NUF2: variants seen among roughly 807,000 people sequenced by gnomAD.
NUF2 encodes the protein NUF2 component of NDC80 kinetochore complex.
A neutral mutation model predicts 61.8 loss-of-function variants in NUF2; 34 were observed. The ratio of observed to expected loss-of-function variants is 0.55; its 90% CI spans 0.42 to 0.73. The LOEUF is 0.73. NUF2 is among the 30% of genes least tolerant of loss of function. The pLI is 0.00. For synonymous variants in NUF2, 172 were observed against 181.6 expected (o/e 0.95, Z 0.42); for missense variants, 445 against 539.1 (o/e 0.83, Z 1.73).
At chr1:163,325,991 A>G (rs542502099) in intron 1 of NUF2, 41 bp from the exon 2 acceptor site, 1 of 1,514,644 alleles carries the variant, frequency 6.6e-7, no homozygotes, top group Non-Finnish European at 9.1e-7. Flanking sequence ...AATGAGAACT[A>G]CTGATCATGT....
intron 13 of NUF2, among the ~76,000 whole-genome samples, chr1:163,352,452 A>G (rs763372166): frequency 2.6e-5 from 4 of 152,188 alleles, no homozygotes; most frequent in Non-Finnish European, 4.4e-5. Flanking sequence ...CAGTTCATTC[A>G]TTCACCCAGT....
At chr1:163,327,249 G>T (rs1316144275) in intron 2 of NUF2, among the ~76,000 whole-genome samples, 2 of 151,754 alleles carry the variant, frequency 1.3e-5, no homozygotes, top group African/African-American at 2.4e-5. Flanking sequence ...ATTGGATTTG[G>T]GTATACTTGC....
rs765138895 is a variant in NUF2 at position 163,326,187 on chromosome 1, T to TA, written c.123+14dup. 2.7e-5 allele frequency: 44 copies of TA among 1,610,602 alleles called. No individual in the cohort carries two copies. The South Asian group carries it at 4.6e-4, about 17-fold the overall frequency. The stretch of plus-strand genomic sequence containing the variant: ...TCCAAATCCAAAGGTAAAAGGTGGT[T>TA]ACGTTTGCATGTGGATAATGGTATT... On this transcript the variant is annotated intron_variant, in intron 2 of 13. Transcript: ENST00000271452.
chr1:163,327,479 T>G lies in NUF2; in HGVS notation c.124-9T>G. 1.9e-6 allele frequency: 3 copies of G among 1,584,082 alleles called. No individual in the cohort carries two copies. The highest frequency in any genetic ancestry group is 2.6e-6 in the Non-Finnish European group (3 of 1,153,690). On this transcript the variant is annotated splice_polypyrimidine_tract_variant and intron_variant, in intron 2 of 13. Transcript: ENST00000271452. ...GCATCGGAGTATTCAAAGTTGTTTT[T>G]TGCTGTAGCCTGAAGTCTTGCACAT...
At chr1:163,324,903 T>TTCTTTCTTTC in intron 1 of NUF2, among the ~76,000 whole-genome samples, 1 of 119,704 alleles carries the variant, frequency 8.4e-6, no homozygotes, top group South Asian at 3.4e-4. Context: ...TTTCTTTCTT[T>TTCTTTCTTTC]TTTTTTTTTT....
In NUF2 at chr1:163,325,999, T is replaced by C. The variant is rs535811785; in HGVS notation, c.-20-33T>C. 2.0e-5 allele frequency: 31 copies of C among 1,548,490 alleles called. No homozygotes were observed. In the African/African-American group the frequency reaches 4.2e-4, roughly 21 times the overall value. On this transcript the variant is annotated intron_variant, in intron 1 of 13. Transcript: ENST00000271452. ...TCCAGATAATGAGAACTACTGATCA[T>C]GTGGTATTTCTCATTGTTTTTTCTT...
intron 3 of NUF2, 77 bp from the exon 4 acceptor site, chr1:163,328,151 T>C: frequency 4.5e-6 from 4 of 880,580 alleles, no homozygotes; most frequent in Non-Finnish European, 7.3e-6. Context: ...AGTTAATATA[T>C]TTTGATCTTG....
intron 13 of NUF2, among the ~76,000 whole-genome samples, chr1:163,353,766 G>A (rs1031045469): frequency 6.6e-6 from 1 of 152,118 alleles, no homozygotes; most frequent in African/African-American, 2.4e-5. Context: ...ATCTTGTGAG[G>A]GTTGGCTTAG....
At chr1:163,350,852 A>T (rs1020164623) in intron 13 of NUF2, among the ~76,000 whole-genome samples, 9 of 152,182 alleles carry the variant, frequency 5.9e-5, no homozygotes, top group Non-Finnish European at 1.2e-4. Flanking sequence ...TAGAGTTTTC[A>T]ATAGGTATGG....
At chr1:163,333,002 T>G (rs1194848653) in intron 5 of NUF2, among the ~76,000 whole-genome samples, 1 of 152,172 alleles carries the variant, frequency 6.6e-6, no homozygotes, top group East Asian at 1.9e-4. Flanking sequence ...ATAGCGTTGT[T>G]CAAGCCTACT....
intron 1 of NUF2, chr1:163,323,140 A>G (rs1378302875): frequency 6.6e-6 from 1 of 152,218 alleles, no homozygotes; most frequent in African/African-American, 2.4e-5. Context: ...ATGATGCGTT[A>G]AGTGTTTTTA....
At chr1:163,347,962 G>C in intron 12 of NUF2, 24 bp downstream of exon 12, 1 of 1,431,658 alleles carries the variant, frequency 7.0e-7, no homozygotes, top group Non-Finnish European at 9.3e-7. Context: ...TTCAATTTTA[G>C]TGTATTAGAA....
At chr1:163,323,497 T>C (rs1650307346) in intron 1 of NUF2, among the ~76,000 whole-genome samples, 1 of 152,012 alleles carries the variant, frequency 6.6e-6, no homozygotes, top group African/African-American at 2.4e-5. Flanking sequence ...GGTGGGAGGA[T>C]CACTTGAGCC....
At chr1:163,333,882 T>A (rs911000298) in intron 5 of NUF2, among the ~76,000 whole-genome samples, 1 of 152,172 alleles carries the variant, frequency 6.6e-6, no homozygotes, top group African/African-American at 2.4e-5. Flanking sequence ...ATATATTGTG[T>A]AGTGGTGAAA....
At chr1:163,324,892 T>TTTTCTTTTC (rs368682517) in intron 1 of NUF2, among the ~76,000 whole-genome samples, 1,866 of 125,856 alleles carry the variant, frequency 0.015, 78 homozygotes, top group South Asian at 0.055. Flanking sequence ...GTTTCTTTTC[T>TTTTCTTTTC]TTTCTTTCTT....
intron 10 of NUF2, among the ~76,000 whole-genome samples, chr1:163,345,209 G>C (rs1018868567): frequency 2.6e-5 from 4 of 152,088 alleles, no homozygotes; most frequent in African/African-American, 9.7e-5. Context: ...AGGAATCTTT[G>C]TATTGTTACC....
chr1:163,347,839 A>G lies in NUF2; in HGVS notation c.1025A>G (p.Lys342Arg), dbSNP rs140857251. The change falls in exon 12 of 14, where the codon AAA (lysine) becomes AGA (arginine). Residue 342 changes from lysine to arginine, a missense_variant. Transcript: ENST00000271452. ...KKLKTEENSF[K>R]RLMIVKKEKL... ...TTGAAGACTGAAGAAAATTCGTTCA[A>G]AAGACTGATGATTGTGAAGAAGGAA... 3.7e-6 allele frequency: 6 copies of G among 1,612,332 alleles called. No individual in the cohort carries two copies. Among genetic ancestry groups the G allele is most frequent in the Non-Finnish European group, 4.2e-6 (5 of 1,179,344 alleles).
Position 163,355,355 on chromosome 1 carries a change from A to T in NUF2, c.1281A>T (p.Lys427Asn). The change falls in exon 14 of 14, where the codon AAA (lysine) becomes AAT (asparagine). Residue 427 changes from lysine to asparagine, a missense_variant. Lys to Asn is a moderately conservative substitution (Grantham distance 94). Transcript: ENST00000271452. The stretch of plus-strand genomic sequence containing the variant: ...CTTAGGAAATATTTCTAAACTTGAA[A>T]ACTGCTTTGGAGAAATACCACGACG... The part of the protein sequence containing the change: ...LKSQEIFLNL[K>N]TALEKYHDGI... 1.3e-6 allele frequency: 2 copies of T among 1,599,852 alleles called. No homozygotes were observed. Among genetic ancestry groups the T allele is most frequent in the Non-Finnish European group, 1.7e-6 (2 of 1,173,462 alleles).
rs1650902652 is a variant in NUF2 at position 163,340,386 on chromosome 1, C to T, written c.629C>T (p.Ser210Phe). The change falls in exon 9 of 14, where the codon TCC becomes TTC. Residue 210 changes from serine to phenylalanine, a missense_variant. Transcript: ENST00000271452. ...TAGATAGTGCTGCAAGAGGGAAATT[C>T]CCAAAAGAAGTCAAATATTTCAGAG... ...QKTIVLQEGNSQKKSNISEKT... is the reference protein window; with the variant it reads ...QKTIVLQEGNFQKKSNISEKT... The T allele has an allele frequency of 6.2e-7, 1 of 1,611,026 alleles. No homozygotes were observed. The highest frequency in any genetic ancestry group is 8.5e-7 in the Non-Finnish European group (1 of 1,178,636).
Sources: allele counts gnomAD v4.1 joint callset (sites outside exome capture counted in the v4.1 genomes callset), GRCh38; gene constraint gnomAD v4.1.1; transcripts MANE v1.5; gene names NCBI Gene and HGNC (gene_info 2026-07-23, HGNC 2026-07-21).